Variants in PFN2 observed in about 807,000 individuals in gnomAD.
PFN2 encodes the protein profilin-2.
A neutral mutation model predicts 15.3 loss-of-function variants in PFN2; 8 were observed. The observed-to-expected ratio is 0.52, with a 90% CI of 0.31 to 0.95. PFN2 has a LOEUF of 0.95. Ranked by LOEUF, PFN2 falls within the 40% of genes least tolerant of loss-of-function variation. PFN2 has a pLI of 0.05. For synonymous variants in PFN2, 79 were observed against 67.9 expected (o/e 1.16, Z -0.81); for missense variants, 111 against 182.3 (o/e 0.61, Z 2.25).
chr3:149,968,023 A>G (rs1722740193), intron 2 of PFN2: 1 of 206,912 alleles, frequency 4.8e-6, no homozygotes, highest in Admixed American at 5.7e-5. Context: ...AAGGGACTAA[A>G]ATAACCAAGT....
chr3:149,967,924 A>T (rs1167230904), intron 2 of PFN2, among the ~76,000 whole-genome samples: 1 of 152,176 alleles, frequency 6.6e-6, no homozygotes, highest in Non-Finnish European at 1.5e-5. Context: ...ACGGATGTTA[A>T]TTTTTCCTTC....
intron 2 of PFN2, among the ~76,000 whole-genome samples, chr3:149,967,026 G>A (rs970369732): frequency 6.6e-6 from 1 of 152,118 alleles, no homozygotes; most frequent in Non-Finnish European, 1.5e-5. Flanking sequence ...AGTTTTACCA[G>A]TGAGGCTAAA....
Position 149,966,318 on chromosome 3 carries a change from A to G in PFN2, c.*171T>C. On this transcript the variant is annotated 3_prime_UTR_variant, in exon 3 of 3. Coordinates refer to ENST00000239940, the MANE Select transcript of PFN2 (RefSeq NM_053024.4). ...GTGAACAGAATTATTTTGGGGGGGG[A>G]GGGCAGAAAGAAAGACACCTTTCCC... 1 of 1,601,156 alleles carries G rather than the reference A, an allele frequency of 6.2e-7. No individual in the cohort carries two copies. The highest frequency in any genetic ancestry group is 8.5e-7 in the Non-Finnish European group (1 of 1,174,260).
chr3:149,970,049 T>TAAA (rs79065931), intron 1 of PFN2, among the ~76,000 whole-genome samples: 2 of 136,098 alleles, frequency 1.5e-5, no homozygotes, highest in East Asian at 2.1e-4. Flanking sequence ...TTGGAGAATT[T>TAAA]AAAAAAAAAA....
rs1223666538 is a variant in PFN2 at position 149,965,618 on chromosome 3, C to T, written c.*871G>A. ...AGCAAACTACTGCAGCTCTCAATAG[C>T]TCATCAACAAAAGGGATTTTAATTG... On this transcript the variant is annotated 3_prime_UTR_variant, in exon 3 of 3. Coordinates refer to ENST00000239940, the MANE Select transcript of PFN2 (RefSeq NM_053024.4). 9.3e-7 allele frequency: 1 copy of T among 1,070,498 alleles called. No homozygotes were observed. Among genetic ancestry groups the T allele is most frequent in the Non-Finnish European group, 1.1e-6 (1 of 885,864 alleles). 66.3% of individuals were successfully genotyped at this position (1,070,498 alleles called of 1,614,324 possible).
chr3:149,966,549 T>G lies in PFN2; in HGVS notation c.363A>C (p.Gly121=). 1 of 1,613,084 alleles carries G rather than the reference T, an allele frequency of 6.2e-7. No individual in the cohort carries two copies. Among genetic ancestry groups the G allele is most frequent in the East Asian group, 2.2e-5 (1 of 44,862 alleles). ...AGTATGCCTTCTTATTCAATCCGCC[T>G]CCATGGACCCCTTCTTTTCCCATTA... ...VFVMGKEGVH[G]GGLNKKAYSM... is the part of the protein sequence containing the mutation. Residue 121 remains glycine (G), a synonymous_variant, in exon 3 of 3, where the codon GGA becomes GGC. Coordinates refer to ENST00000239940, the MANE Select transcript of PFN2 (RefSeq NM_053024.4).
rs1262817786 is a variant in PFN2, at chr3:149,968,532, T to C, written c.151A>G (p.Ile51Val). 1.9e-6 allele frequency: 3 copies of C among 1,610,276 alleles called. No homozygotes were observed. The highest frequency in any genetic ancestry group is 2.5e-6 in the Non-Finnish European group (3 of 1,179,224). Residue 51 changes from isoleucine to valine, a missense_variant, in exon 2 of 3, where the codon ATT becomes GTT. Around this residue, in one of 2 missense-constraint regions of PFN2, gnomAD observed 64 missense variants for 69.7 expected, o/e 0.92. Transcript: ENST00000239940. ...QSITPIEIDM[I>V]VGKDREGFFT... is the part of the protein sequence containing the mutation. ...AAACCTTCCCGGTCTTTTCCTACAA[T>C]CATATCTATTTCTATTGGCTGCCCC... is the stretch of plus-strand genomic sequence containing the variant.
In PFN2 at chr3:149,965,387, G is replaced by C; in HGVS notation, c.*1102C>G. The C allele has an allele frequency of 6.8e-7, 1 of 1,472,574 alleles. No individual in the cohort carries two copies. The highest frequency in any genetic ancestry group is 1.4e-5 in the African/African-American group (1 of 70,458). The allele number at this position is 1,472,574 out of a possible 1,614,324, so 91.2% of individuals were successfully genotyped here. A position where few individuals can be genotyped will look rare whatever the true frequency, so the allele number is the denominator to read the frequency against. ...GGCAGCCTTTTACAATTTTACTAAA[G>C]AGTAGAGCTGGTGTGCAAAGAAAAA... is the stretch of plus-strand genomic sequence containing the variant. On this transcript the variant is annotated 3_prime_UTR_variant, in exon 3 of 3. Transcript: ENST00000239940.
rs578196414 is a variant in PFN2 at position 149,970,390 on chromosome 3, G to A, written c.132+335C>T. 130 of 187,052 alleles carry A rather than the reference G, an allele frequency of 6.9e-4. 1 individual carries two copies. Among genetic ancestry groups the A allele is most frequent in the African/African-American group, 2.8e-3 (121 of 42,766 alleles). 11.6% of individuals were successfully genotyped at this position (187,052 alleles called of 1,614,324 possible). On this transcript the variant is annotated intron_variant, in intron 1 of 2. Transcript: ENST00000239940. ...AAGAGAACCTAGGGGAACCGCACTA[G>A]GAGGAAAAAAGGAACCCCTCCCCTT...
chr3:149,969,254 A>G (rs1267180630), intron 1 of PFN2, among the ~76,000 whole-genome samples: 1 of 152,202 alleles, frequency 6.6e-6, no homozygotes, highest in Non-Finnish European at 1.5e-5. Context: ...GGTAGGCAAT[A>G]GTAAAACAGA....
At position 149,970,785 on chromosome 3, in the gene PFN2, G is replaced by A. The variant is rs1473053369; in HGVS notation, c.72C>T (p.Gly24=). ...CCCAGACGTATTTGGCGTCGCAGTA[G>A]CCGACAATGGCGGCCTCCTGGCAGC... ...DGCCQEAAIV[G]YCDAKYVWAA... is the part of the protein sequence containing the mutation. Residue 24 remains glycine, a synonymous_variant, in exon 1 of 3, where the codon GGC becomes GGT. Coordinates refer to ENST00000239940, the MANE Select transcript of PFN2 (RefSeq NM_053024.4). 2.6e-6 allele frequency: 4 copies of A among 1,514,768 alleles called. No homozygotes were observed. The highest frequency in any genetic ancestry group is 1.4e-5 in the African/African-American group (1 of 69,994). 93.8% of individuals were successfully genotyped at this position (1,514,768 alleles called of 1,614,324 possible).
In PFN2 at chr3:149,965,770, T is replaced by G; in HGVS notation, c.*719A>C. 1 of 1,049,450 alleles carries G rather than the reference T, an allele frequency of 9.5e-7. No individual in the cohort carries two copies. Among genetic ancestry groups the G allele is most frequent in the Non-Finnish European group, 1.1e-6 (1 of 870,986 alleles). The allele number at this position is 1,049,450 out of a possible 1,614,324, so 65.0% of individuals were successfully genotyped here. On this transcript the variant is annotated 3_prime_UTR_variant, in exon 3 of 3. Coordinates refer to ENST00000239940, the MANE Select transcript of PFN2 (RefSeq NM_053024.4). ...TGCATGCACTTTTTCCTCCCAACCA[T>G]GCGCTACAAAAGGAAGACTAAATGA...
At chr3:149,970,434 C>T (rs905462136) in intron 1 of PFN2, 2 of 259,500 alleles carry the variant, frequency 7.7e-6, no homozygotes, top group African/African-American at 4.5e-5. Flanking sequence ...CGGTGCGTGC[C>T]CCCTCCCCCA....
intron 1 of PFN2, chr3:149,970,464 C>A (rs1005600597): frequency 3.5e-5 from 10 of 286,172 alleles, no homozygotes; most frequent in Admixed American, 1.1e-4. Flanking sequence ...CCTGGACCGA[C>A]GCTGGGAACG....
At chr3:149,966,625 TAATC>T in intron 2 of PFN2, 39 bp from the exon 3 acceptor site, 1 of 1,460,172 alleles carries the variant, frequency 6.8e-7, no homozygotes, top group Non-Finnish European at 9.6e-7. Flanking sequence ...AAAGAAGTGT[TAATC>T]AAGAAAGTCA....
chr3:149,966,153 T>C lies in PFN2; in HGVS notation c.*336A>G. On this transcript the variant is annotated 3_prime_UTR_variant, in exon 3 of 3. Transcript: ENST00000239940. ...TTGATGAAGACAGTTGCTAGGTAGA[T>C]GGGGAGAGGCTGCTTACACATCAGA... The C allele has an allele frequency of 1.2e-6, 2 of 1,611,130 alleles. No homozygotes were observed. Among genetic ancestry groups the C allele is most frequent in the African/African-American group, 1.3e-5 (1 of 74,946 alleles).
At position 149,966,356 on chromosome 3, in the gene PFN2, G is replaced by A. The variant is rs1032248148; in HGVS notation, c.*133C>T. The A allele has an allele frequency of 3.1e-6, 5 of 1,589,468 alleles. No individual in the cohort carries two copies. The highest frequency in any genetic ancestry group is 2.7e-5 in the African/African-American group (2 of 74,000). Reference sequence around the variant, plus strand: ...AGACACCTTTCCCCACCAACAGAGGGATACAAAGGAGACACAGGTTCATAC... The same window carrying A: ...AGACACCTTTCCCCACCAACAGAGGAATACAAAGGAGACACAGGTTCATAC... On this transcript the variant is annotated 3_prime_UTR_variant, in exon 3 of 3. Coordinates refer to ENST00000239940, the MANE Select transcript of PFN2 (RefSeq NM_053024.4).
In PFN2 at chr3:149,968,480, G is replaced by A; in HGVS notation, c.203C>T (p.Ala68Val). 3 of 1,613,226 alleles carry A rather than the reference G, an allele frequency of 1.9e-6. No individual in the cohort carries two copies. The highest frequency in any genetic ancestry group is 8.5e-7 in the Non-Finnish European group (1 of 1,179,824). Residue 68 changes from alanine to valine, a missense_variant, in exon 2 of 3, where the codon GCG becomes GTG. By Grantham distance (64) the Ala-to-Val change is moderately conservative. Coordinates refer to ENST00000239940, the MANE Select transcript of PFN2 (RefSeq NM_053024.4). ...GFFTNGLTLG[A>V]KKCSVIRDSL... ...ATCTCTGATCACTGAGCATTTCTTC[G>A]CGCCAAGAGTCAAACCGTTGGTAAA...
At position 149,966,126 on chromosome 3, in the gene PFN2, T is replaced by G; in HGVS notation, c.*363A>C. On this transcript the variant is annotated 3_prime_UTR_variant, in exon 3 of 3. Coordinates refer to ENST00000239940, the MANE Select transcript of PFN2 (RefSeq NM_053024.4). ...GTAGCATTGTGACCATAATTAGGGTTGTTGATGAAGACAGTTGCTAGGTAG... is the reference window on the plus strand; with the variant it reads ...GTAGCATTGTGACCATAATTAGGGTGGTTGATGAAGACAGTTGCTAGGTAG... 1 of 1,598,424 alleles carries G rather than the reference T, an allele frequency of 6.3e-7. No individual in the cohort carries two copies. Among genetic ancestry groups the G allele is most frequent in the South Asian group, 1.1e-5 (1 of 88,170 alleles).
Sources: gnomAD v4.1 joint callset for allele counts (sites outside exome capture counted in the v4.1 genomes callset) on GRCh38, gnomAD v4.1.1 for gene constraint, gnomAD v4.1.1 regional missense constraint, MANE v1.5 for transcripts, NCBI Gene and HGNC (gene_info 2026-07-23, HGNC 2026-07-21) for gene names.